Variants in RYR3 observed in about 807,000 individuals in gnomAD.
RYR3 encodes the protein brain ryanodine receptor-calcium release channel.
A neutral mutation model predicts 584.3 loss-of-function variants in RYR3; 207 were observed. The observed-to-expected ratio is 0.35, with a 90% CI of 0.32 to 0.40. The LOEUF (loss-of-function observed/expected upper bound fraction) is 0.40, where lower values mean the gene tolerates loss of function less well. RYR3 is among the 10% of genes least tolerant of loss of function. The pLI, the probability that RYR3 is intolerant of heterozygous loss-of-function variation, is 1.00. For synonymous variants in RYR3, 2,416 were observed against 2,248.5 expected (o/e 1.07, Z -2.11); for missense variants, 5,616 against 6,089.2 (o/e 0.92, Z 2.59).
intron 87 of RYR3, 114 bp downstream of exon 87, chr15:33,835,186 C>T (rs2077961147): frequency 4.0e-6 from 3 of 754,768 alleles, no homozygotes; most frequent in Non-Finnish European, 4.2e-6. Flanking sequence ...ACAAGCCATG[C>T]ATATTAGGTC....
intron 6 of RYR3, among the ~76,000 whole-genome samples, 183 bp downstream of exon 6, chr15:33,539,645 G>A (rs908837673): frequency 6.6e-5 from 10 of 152,086 alleles, no homozygotes; most frequent in Non-Finnish European, 1.2e-4. Context: ...AAAAATTAAA[G>A]TGTAACTTTC....
intron 1 of RYR3, among the ~76,000 whole-genome samples, chr15:33,431,597 C>CAAA (rs145820930): frequency 1.3e-5 from 2 of 149,432 alleles, no homozygotes; most frequent in South Asian, 4.2e-4. Context: ...ATTCCCTCTG[C>CAAA]AAAAAAAAAT....
At chr15:33,445,085 T>G (rs1354924724) in intron 1 of RYR3, among the ~76,000 whole-genome samples, 1 of 152,092 alleles carries the variant, frequency 6.6e-6, no homozygotes, top group African/African-American at 2.4e-5. Flanking sequence ...ATGATTTCAT[T>G]TACATTTTGC....
At chr15:33,451,749 G>C (rs1386964507) in intron 1 of RYR3, among the ~76,000 whole-genome samples, 6 of 152,166 alleles carry the variant, frequency 3.9e-5, no homozygotes, top group African/African-American at 1.4e-4. Context: ...GAAAATTTGA[G>C]TTATTAATAT....
intron 11 of RYR3, among the ~76,000 whole-genome samples, chr15:33,564,881 T>C (rs938773343): frequency 6.6e-6 from 1 of 152,240 alleles, no homozygotes; most frequent in Non-Finnish European, 1.5e-5. Flanking sequence ...AGGGCTACAC[T>C]GCTTCATTTC....
At chr15:33,429,240 C>T (rs1349522140) in intron 1 of RYR3, among the ~76,000 whole-genome samples, 3 of 152,170 alleles carry the variant, frequency 2.0e-5, no homozygotes, top group Non-Finnish European at 4.4e-5. Flanking sequence ...TTTGTCTCCA[C>T]TCGGTTATGA....
chr15:33,762,204 G>T (rs1186572092), intron 60 of RYR3, among the ~76,000 whole-genome samples: 6 of 152,186 alleles, frequency 3.9e-5, no homozygotes, highest in Non-Finnish European at 5.9e-5. Flanking sequence ...ACTGTACAGG[G>T]ATGCCCTCTC....
At chr15:33,703,282 T>C (rs1596242069) in intron 42 of RYR3, among the ~76,000 whole-genome samples, 1 of 152,200 alleles carries the variant, frequency 6.6e-6, no homozygotes, top group East Asian at 1.9e-4. Context: ...TGGGAGGAAC[T>C]TTCCTTGTAG....
At chr15:33,827,891 G>T (rs1268223251) in intron 85 of RYR3, among the ~76,000 whole-genome samples, 2 of 152,214 alleles carry the variant, frequency 1.3e-5, no homozygotes, top group Non-Finnish European at 2.9e-5. Flanking sequence ...TAGGGTGGTA[G>T]TAAAGATTGA....
Position 33,749,974 on chromosome 15 carries a change from C to T in RYR3, c.8200-5C>T. 6.2e-7 allele frequency: 1 copy of T among 1,610,908 alleles called. No individual in the cohort carries two copies. The highest frequency in any genetic ancestry group is 8.5e-7 in the Non-Finnish European group (1 of 1,178,920). ...TTTGACTTGGCTCTTCTTGGTGGGA[C>T]ACAGGGAATGGTGGAGGTCGTGGCT... On this transcript the variant is annotated splice_region_variant and splice_polypyrimidine_tract_variant and intron_variant, in intron 55 of 103. Transcript: ENST00000634891.
At chr15:33,721,468 A>G (rs1031335035) in intron 43 of RYR3, among the ~76,000 whole-genome samples, 1 of 152,250 alleles carries the variant, frequency 6.6e-6, no homozygotes, top group African/African-American at 2.4e-5. Flanking sequence ...TTTGCACGAG[A>G]ATAAATAATA....
chr15:33,810,688 C>T (rs1238541705), intron 71 of RYR3, 39 bp downstream of exon 71: 1 of 1,612,436 alleles, frequency 6.2e-7, no homozygotes, highest in East Asian at 2.2e-5. Context: ...GTGTGATCCA[C>T]ATGGTGCAGT....
At chr15:33,658,376 T>C (rs1285654447) in intron 32 of RYR3, among the ~76,000 whole-genome samples, 2 of 152,222 alleles carry the variant, frequency 1.3e-5, no homozygotes, top group Non-Finnish European at 2.9e-5. Context: ...ACAGTATAGC[T>C]GCTCACATCT....
chr15:33,341,457 C>A (rs1461700803), intron 1 of RYR3, among the ~76,000 whole-genome samples: 1 of 152,132 alleles, frequency 6.6e-6, no homozygotes, highest in South Asian at 2.1e-4. Context: ...TTCTTTTAAG[C>A]CTTATCATTC....
intron 90 of RYR3, 102 bp downstream of exon 90, chr15:33,840,985 A>G: frequency 9.8e-7 from 1 of 1,023,122 alleles, no homozygotes. Flanking sequence ...TGAGAGGCTG[A>G]GGCTGGAGGA....
At chr15:33,416,678 A>C (rs1423761270) in intron 1 of RYR3, among the ~76,000 whole-genome samples, 1 of 152,162 alleles carries the variant, frequency 6.6e-6, no homozygotes, top group Non-Finnish European at 1.5e-5. Flanking sequence ...TGCTGGGCAG[A>C]AGCTCTTTAG....
intron 91 of RYR3, 38 bp downstream of exon 91, chr15:33,842,073 G>T: frequency 1.3e-6 from 2 of 1,574,080 alleles, no homozygotes. Flanking sequence ...ATGGTGCAGG[G>T]ATTGGCCCAG....
chr15:33,318,549 C>G (rs1968518328), intron 1 of RYR3, among the ~76,000 whole-genome samples: 1 of 152,148 alleles, frequency 6.6e-6, no homozygotes, highest in African/African-American at 2.4e-5. Flanking sequence ...GAGGGGCAAG[C>G]CTGAGTAGGG....
At position 33,755,198 on chromosome 15, in the gene RYR3, A is replaced by G. The variant is rs1428990211; in HGVS notation, c.8515+18A>G. 2 of 1,344,952 alleles carry G rather than the reference A, an allele frequency of 1.5e-6. No homozygotes were observed. Among genetic ancestry groups the G allele is most frequent in the Admixed American group, 1.7e-5 (1 of 57,172 alleles). The allele number at this position is 1,344,952 out of a possible 1,614,324, so 83.3% of individuals were successfully genotyped here. ...CCATTTAGGTAAGTATCATCATGAAATAACCCAAAAGAATTCAATATTCTT... is the reference window on the plus strand; with the variant it reads ...CCATTTAGGTAAGTATCATCATGAAGTAACCCAAAAGAATTCAATATTCTT... On this transcript the variant is annotated intron_variant, in intron 58 of 103. Coordinates refer to ENST00000634891, the MANE Select transcript of RYR3 (RefSeq NM_001036.6).
Sources: gnomAD v4.1 joint callset for allele counts (sites outside exome capture counted in the v4.1 genomes callset) on GRCh38, gnomAD v4.1.1 for gene constraint, MANE v1.5 for transcripts, NCBI Gene and HGNC (gene_info 2026-07-23, HGNC 2026-07-21) for gene names.